TRDN: variants seen among roughly 807,000 people sequenced by gnomAD.
TRDN encodes triadin.
TRDN carries 161 observed loss-of-function variants against 149.7 expected under a neutral mutation model. The ratio of observed to expected loss-of-function variants is 1.08; its 90% confidence interval spans 0.95 to 1.23. The LOEUF (loss-of-function observed/expected upper bound fraction) is 1.23. Among genes scored for constraint, TRDN ranks in the 50% most tolerant of loss-of-function variants. The pLI is 0.00. For synonymous variants in TRDN, 294 were observed against 250.5 expected (o/e 1.17, Z -1.64); for missense variants, 896 against 823.5 (o/e 1.09, Z -1.08).
chr6:123,305,240 G>A (rs184559055), intron 24 of TRDN, among the ~76,000 whole-genome samples: 2 of 152,210 alleles, frequency 1.3e-5, no homozygotes, highest in Admixed American at 6.5e-5. Flanking sequence ...AAGACAGTAA[G>A]CAAATTCTAA....
At chr6:123,301,297 A>T (rs951615709) in intron 24 of TRDN, among the ~76,000 whole-genome samples, 6 of 152,046 alleles carry the variant, frequency 3.9e-5, no homozygotes, top group Non-Finnish European at 8.8e-5. Flanking sequence ...ACTGCTTTAA[A>T]GGTTAAATTG....
intron 9 of TRDN, among the ~76,000 whole-genome samples, 182 bp from the exon 10 acceptor site, chr6:123,465,165 G>A (rs779032284): frequency 4.6e-5 from 7 of 152,098 alleles, no homozygotes; most frequent in Non-Finnish European, 7.4e-5. Flanking sequence ...ACACCTTCGC[G>A]GATTCAGTTA....
At chr6:123,598,726 A>G (rs1392106669) in intron 1 of TRDN, among the ~76,000 whole-genome samples, 1 of 152,144 alleles carries the variant, frequency 6.6e-6, no homozygotes, top group East Asian at 1.9e-4. Context: ...CAAGAGTGAT[A>G]TAGACCATAC....
chr6:123,496,894 A>C (rs1333689855), intron 9 of TRDN, among the ~76,000 whole-genome samples: 3 of 152,114 alleles, frequency 2.0e-5, no homozygotes, highest in African/African-American at 7.2e-5. Flanking sequence ...GAATAAAATA[A>C]GATGATTCAC....
intron 10 of TRDN, chr6:123,441,116 C>G (rs1272230236): frequency 6.6e-6 from 1 of 152,102 alleles, no homozygotes; most frequent in Non-Finnish European, 1.5e-5. Flanking sequence ...TCTACATTTC[C>G]TCAAGCACTA....
At chr6:123,502,626 A>T (rs1282132171) in intron 8 of TRDN, 1 of 984,982 alleles carries the variant, frequency 1.0e-6, no homozygotes, top group East Asian at 1.1e-4. Context: ...TGCAAATTTC[A>T]TTTCTTGTGC....
In TRDN at chr6:123,543,466, A is replaced by G. The variant is rs138663187; in HGVS notation, c.424+3874T>C. Among the ~76,000 whole-genome samples, 215 of 152,286 alleles carry G rather than the reference A, an allele frequency of 1.4e-3. 1 individual carries two copies. Among genetic ancestry groups the G allele is most frequent in the African/African-American group, 4.7e-3 (196 of 41,568 alleles). On this transcript the variant is annotated intron_variant, in intron 4 of 40. Coordinates refer to ENST00000334268, the MANE Select transcript of TRDN (RefSeq NM_006073.4). ...ATGTCCGAATTCTGTATTAGTGATT[A>G]GCTAAGGATATACATTGTACCGTCG...
intron 14 of TRDN, among the ~76,000 whole-genome samples, chr6:123,386,424 A>C (rs554666789): frequency 1.4e-4 from 21 of 152,292 alleles, no homozygotes; most frequent in Admixed American, 1.2e-3. Context: ...GAAGATGATA[A>C]AGGAAGAACT....
intron 7 of TRDN, chr6:123,510,230 AATG>A (rs1259770036): frequency 1.4e-4 from 21 of 152,166 alleles, no homozygotes; most frequent in Non-Finnish European, 7.4e-5. Flanking sequence ...ACTTTAATAA[AATG>A]ATATTTGGTT....
chr6:123,338,302 G>T (rs1346921), intron 21 of TRDN, among the ~76,000 whole-genome samples: 1 of 151,980 alleles, frequency 6.6e-6, no homozygotes, highest in Non-Finnish European at 1.5e-5. Context: ...GAGAGAGAAT[G>T]GGAGGCCTGG....
intron 19 of TRDN, among the ~76,000 whole-genome samples, chr6:123,374,830 C>T (rs910762065): frequency 2.6e-5 from 4 of 151,822 alleles, no homozygotes; most frequent in Admixed American, 2.0e-4. Context: ...CACTAAATAA[C>T]AGGCATTTGT....
intron 20 of TRDN, among the ~76,000 whole-genome samples, chr6:123,364,729 T>C (rs1781025585): frequency 6.6e-6 from 1 of 152,208 alleles, no homozygotes; most frequent in Non-Finnish European, 1.5e-5. Context: ...GCTTTTAGCT[T>C]TGTCTAATTT....
chr6:123,318,875 A>T (rs1019277267), intron 23 of TRDN, among the ~76,000 whole-genome samples: 1 of 152,086 alleles, frequency 6.6e-6, no homozygotes, highest in African/African-American at 2.4e-5. Flanking sequence ...CACTCCTATG[A>T]AAAGGTATTA....
chr6:123,359,798 C>A (rs879499133), intron 20 of TRDN, among the ~76,000 whole-genome samples: 4 of 152,034 alleles, frequency 2.6e-5, no homozygotes, highest in Non-Finnish European at 4.4e-5. Context: ...TGGGTTCACG[C>A]CATTCTCCTG....
At chr6:123,398,009 T>C (rs1282294362) in intron 12 of TRDN, among the ~76,000 whole-genome samples, 1 of 152,250 alleles carries the variant, frequency 6.6e-6, no homozygotes, top group Non-Finnish European at 1.5e-5. Flanking sequence ...TCTTATTTTC[T>C]TTTATTTCTT....
At chr6:123,528,860 A>G in intron 5 of TRDN, 1 of 1,024,396 alleles carries the variant, frequency 9.8e-7, no homozygotes, top group African/African-American at 1.7e-5. Flanking sequence ...GAGCAACTGA[A>G]GCTCTACTTT....
In TRDN at chr6:123,362,270, T is replaced by C. The variant is rs188630224; in HGVS notation, c.1321+3865A>G. Reference sequence around the variant, plus strand: ...TAGTCCAGGTCCTAACACTTTTCACTACATTGTTGAGAATCTTTCTAATCT... The same window carrying C: ...TAGTCCAGGTCCTAACACTTTTCACCACATTGTTGAGAATCTTTCTAATCT... On this transcript the variant is annotated intron_variant, in intron 20 of 40. Transcript: ENST00000334268. 1.1e-3 allele frequency among the ~76,000 whole-genome samples: 171 copies of C among 152,288 alleles called. 1 individual carries two copies. The highest frequency in any genetic ancestry group is 1.9e-3 in the Non-Finnish European group (130 of 68,000).
chr6:123,271,509 T>C (rs2114613298), intron 29 of TRDN, among the ~76,000 whole-genome samples: 1 of 152,106 alleles, frequency 6.6e-6, no homozygotes, highest in Admixed American at 6.6e-5. Flanking sequence ...TTATAAAATA[T>C]ATGTTCCCTT....
intron 23 of TRDN, among the ~76,000 whole-genome samples, chr6:123,321,795 G>A (rs1208828432): frequency 2.0e-5 from 3 of 151,844 alleles, no homozygotes; most frequent in Non-Finnish European, 4.4e-5. Flanking sequence ...GATTCAGTCT[G>A]CTATACTAGA....
Sources: gnomAD v4.1 joint callset for allele counts (sites outside exome capture counted in the v4.1 genomes callset) on GRCh38, gnomAD v4.1.1 for gene constraint, MANE v1.5 for transcripts, NCBI Gene and HGNC (gene_info 2026-07-23, HGNC 2026-07-21) for gene names.